Variants in MPDZ observed in about 807,000 individuals in gnomAD.
The protein encoded by MPDZ is multiple PDZ domain protein.
MPDZ carries 234 observed loss-of-function variants against 239.1 expected under a neutral mutation model. The ratio of observed to expected loss-of-function variants is 0.98; its 90% CI spans 0.88 to 1.09. MPDZ has a LOEUF of 1.09. Among genes scored for constraint, MPDZ ranks in the 50% least tolerant of loss-of-function variants. MPDZ has a pLI of 0.00. For synonymous variants in MPDZ, 1,048 were observed against 881.3 expected (o/e 1.19, Z -3.35); for missense variants, 3,175 against 2,510.0 (o/e 1.26, Z -5.66).
chr9:13,257,208 A>G (rs960562203), intron 1 of MPDZ, among the ~76,000 whole-genome samples: 9 of 152,192 alleles, frequency 5.9e-5, no homozygotes, highest in Non-Finnish European at 1.0e-4. Context: ...AATGAATTCA[A>G]TATCTGTTAG....
rs776198912 is a variant in MPDZ at position 13,109,987 on chromosome 9, C to A, written c.5907G>T (p.Gly1969=). The change falls in exon 45 of 47, where the codon GGG becomes GGT. Residue 1969 remains glycine, a synonymous_variant. Coordinates refer to ENST00000319217, the MANE Select transcript of MPDZ (RefSeq NM_001378778.1). ...CCTGAAATATACTGCTTGACGTCAG[C>A]CCAGTGAAAGAAAGACTGGAACTTG... is the stretch of plus-strand genomic sequence containing the variant. The part of the protein sequence containing the change: ...EPASSSLSFT[G]LTSSSIFQDD... 1 of 1,613,176 alleles carries A rather than the reference C, an allele frequency of 6.2e-7. No homozygotes were observed. The highest frequency in any genetic ancestry group is 8.5e-7 in the Non-Finnish European group (1 of 1,179,682).
chr9:13,138,717 T>C (rs997814701), intron 28 of MPDZ, among the ~76,000 whole-genome samples: 1 of 152,150 alleles, frequency 6.6e-6, no homozygotes, highest in Non-Finnish European at 1.5e-5. Flanking sequence ...ACCATTTACA[T>C]CTCCTACCCC....
Position 13,198,737 on chromosome 9 carries a change from C to CTCTCTCTGTGTGTGTGTGTGTGTG in MPDZ, c.1547-2508_1547-2507insCACACACACACACACACAGAGAGA, listed in dbSNP as rs755487892. ...ATATTTAGGTCTTTAATCTCTCTCT[C>CTCTCTCTGTGTGTGTGTGTGTGTG]TGTGTGTGTGTGTGTGTGTGTGTGT... On this transcript the variant is annotated intron_variant, in intron 12 of 46. Transcript: ENST00000319217. Among the ~76,000 whole-genome samples, 221 of 69,724 alleles carry CTCTCTCTGTGTGTGTGTGTGTGTG rather than the reference C, an allele frequency of 3.2e-3. 1 individual carries two copies. Among genetic ancestry groups the CTCTCTCTGTGTGTGTGTGTGTGTG allele is most frequent in the Non-Finnish European group, 4.7e-3 (161 of 34,464 alleles). The allele number at this position is 69,724 out of a possible 152,430, so 45.7% of individuals were successfully genotyped here.
intron 3 of MPDZ, among the ~76,000 whole-genome samples, chr9:13,237,107 C>T (rs915821181): frequency 6.6e-6 from 1 of 152,004 alleles, no homozygotes; most frequent in Non-Finnish European, 1.5e-5. Context: ...TTTATTAAAT[C>T]TTGACCCTCA....
chr9:13,130,116 G>C (rs991087088), intron 32 of MPDZ, among the ~76,000 whole-genome samples: 1 of 152,048 alleles, frequency 6.6e-6, no homozygotes. Flanking sequence ...TCCTTTCCTA[G>C]GGCAAACTGT....
At chr9:13,270,650 A>G (rs1972753362) in intron 1 of MPDZ, among the ~76,000 whole-genome samples, 2 of 152,240 alleles carry the variant, frequency 1.3e-5, no homozygotes, top group Non-Finnish European at 2.9e-5. Context: ...TAAACAAAAT[A>G]TATTATTAAA....
At chr9:13,228,152 C>A (rs999690884) in intron 3 of MPDZ, among the ~76,000 whole-genome samples, 4 of 151,982 alleles carry the variant, frequency 2.6e-5, no homozygotes, top group African/African-American at 9.7e-5. Context: ...TACAGATAAA[C>A]ATTCTGTATA....
intron 37 of MPDZ, 25 bp from the exon 38 acceptor site, chr9:13,121,957 G>A (rs1306136109): frequency 6.2e-7 from 1 of 1,607,122 alleles, no homozygotes; most frequent in Non-Finnish European, 8.5e-7. Flanking sequence ...GACACTGACT[G>A]TAAGGAACAT....
At chr9:13,229,767 C>T (rs1312963166) in intron 3 of MPDZ, among the ~76,000 whole-genome samples, 2 of 151,814 alleles carry the variant, frequency 1.3e-5, no homozygotes, top group African/African-American at 4.8e-5. Context: ...TTCCTTAAAC[C>T]AGTAAATAAT....
At chr9:13,209,598 C>T (rs12338651) in intron 10 of MPDZ, among the ~76,000 whole-genome samples, 13,260 of 152,210 alleles carry the variant, frequency 0.087, 766 homozygotes, top group South Asian at 0.17. Context: ...GGTCCAAAAG[C>T]AGGTTGCACA....
At chr9:13,217,692 GC>G (rs1206098988) in intron 8 of MPDZ, among the ~76,000 whole-genome samples, 2 of 151,794 alleles carry the variant, frequency 1.3e-5, no homozygotes, top group African/African-American at 2.4e-5. Context: ...GTTAAATCTA[GC>G]TTTGCCACTT....
intron 27 of MPDZ, among the ~76,000 whole-genome samples, chr9:13,142,269 T>C (rs1947818638): frequency 6.6e-6 from 1 of 152,060 alleles, no homozygotes; most frequent in African/African-American, 2.4e-5. Context: ...ATCTGAAAAA[T>C]TGTCTGGGAT....
At chr9:13,226,827 T>C (rs1960769670) in intron 3 of MPDZ, among the ~76,000 whole-genome samples, 1 of 152,100 alleles carries the variant, frequency 6.6e-6, no homozygotes, top group African/African-American at 2.4e-5. Flanking sequence ...TTATACAGAG[T>C]TGTTCAACAT....
chr9:13,111,257 C>A (rs1419374638), intron 43 of MPDZ, among the ~76,000 whole-genome samples: 1 of 152,166 alleles, frequency 6.6e-6, no homozygotes, highest in South Asian at 2.1e-4. Context: ...TCACAGGTCC[C>A]ACAAAGCCTA....
chr9:13,133,646 C>G (rs933463002), intron 32 of MPDZ, among the ~76,000 whole-genome samples, 178 bp downstream of exon 32: 1 of 152,126 alleles, frequency 6.6e-6, no homozygotes, highest in African/African-American at 2.4e-5. Context: ...TCGGCCCAAC[C>G]CTAGAGTTTC....
In MPDZ at chr9:13,168,440, C is replaced by T. The variant is rs377298238; in HGVS notation, c.3180G>A (p.Glu1060=). ...IGDCILSINE[E]STISVTNAQA... The stretch of plus-strand genomic sequence containing the variant: ...GGGCATTGGTTACACTGATGGTAGA[C>T]TCTTCATTAATGGACAAGATGCAGT... The change falls in exon 22 of 47, where the codon GAG becomes GAA. Residue 1060 remains glutamate, a synonymous_variant. Coordinates refer to ENST00000319217, the MANE Select transcript of MPDZ (RefSeq NM_001378778.1). 1.2e-5 allele frequency: 20 copies of T among 1,613,442 alleles called. No homozygotes were observed. The highest frequency in any genetic ancestry group is 3.3e-4 in the Middle Eastern group (2 of 6,080).
chr9:13,158,590 C>A (rs1410831103), intron 23 of MPDZ, among the ~76,000 whole-genome samples: 1 of 152,058 alleles, frequency 6.6e-6, no homozygotes, highest in East Asian at 1.9e-4. Context: ...AAGGATGGAC[C>A]AATGATTTTC....
rs141460889 is a variant in MPDZ at position 13,139,025 on chromosome 9, T to C, written c.4004-872A>G. ...TCCTCAAGATTACATTCTGACCACA[T>C]TGATTGTTAGCAATATGCTCTAGTG... is the stretch of plus-strand genomic sequence containing the variant. On this transcript the variant is annotated intron_variant, in intron 28 of 46. Coordinates refer to ENST00000319217, the MANE Select transcript of MPDZ (RefSeq NM_001378778.1). Among the ~76,000 whole-genome samples the C allele has an allele frequency of 2.2e-4, 34 of 152,352 alleles. No individual in the cohort carries two copies. The East Asian group carries it at 3.9e-3, about 17-fold the overall frequency.
chr9:13,253,869 T>A (rs1168228165), intron 1 of MPDZ, among the ~76,000 whole-genome samples: 7 of 152,184 alleles, frequency 4.6e-5, no homozygotes, highest in Admixed American at 4.6e-4. Context: ...TAGGTACTAT[T>A]CAAATCATGC....
Sources: gnomAD v4.1 joint callset for allele counts (sites outside exome capture counted in the v4.1 genomes callset) on GRCh38, gnomAD v4.1.1 for gene constraint, MANE v1.5 for transcripts, NCBI Gene and HGNC (gene_info 2026-07-23, HGNC 2026-07-21) for gene names.